Variants in NR3C1 observed in about 807,000 individuals in gnomAD.
NR3C1 encodes the protein glucocorticoid receptor.
In NR3C1, 14 loss-of-function variants were observed where a neutral mutation model predicts 74.0. That is an observed-to-expected ratio of 0.19 (90% CI 0.12 to 0.30). The LOEUF (loss-of-function observed/expected upper bound fraction) is 0.30. Among genes scored for constraint, NR3C1 ranks in the 10% least tolerant of loss-of-function variants. The pLI is 1.00. For missense variants in NR3C1, 695 were observed against 909.8 expected (o/e 0.76, Z 3.04); for synonymous variants, 308 against 332.5 (o/e 0.93, Z 0.80).
In NR3C1 at chr5:143,278,429, TAG is replaced by T. The variant is rs1178394996; in HGVS notation, c.*3458_*3459del. On this transcript the variant is annotated 3_prime_UTR_variant, in exon 9 of 9. Coordinates refer to ENST00000394464, the MANE Select transcript of NR3C1 (RefSeq NM_000176.3). The stretch of plus-strand genomic sequence containing the variant: ...AAATAAAATCCTTTCAGACATTTTC[TAG>T]AGAGAAGCAAATCCTTTCCTGAAAA... 1 of 152,188 alleles carries T rather than the reference TAG, an allele frequency of 6.6e-6. No homozygotes were observed. The highest frequency in any genetic ancestry group is 1.9e-4 in the East Asian group (1 of 5,204). 9.4% of individuals were successfully genotyped at this position (152,188 alleles called of 1,614,324 possible). A position where few individuals can be genotyped will look rare whatever the true frequency, so the allele number is the denominator to read the frequency against.
At chr5:143,333,015 A>T in intron 2 of NR3C1, 1 of 1,588,266 alleles carries the variant, frequency 6.3e-7, no homozygotes, top group Non-Finnish European at 8.5e-7. Context: ...CAACACAGTG[A>T]TTGAGGAGCA....
chr5:143,293,258 G>T (rs1044652932), intron 7 of NR3C1, among the ~76,000 whole-genome samples: 3 of 152,150 alleles, frequency 2.0e-5, no homozygotes, highest in Non-Finnish European at 2.9e-5. Flanking sequence ...AACCATTATT[G>T]TAAGTGAAGT....
In NR3C1 at chr5:143,399,993, A is replaced by G. The variant is rs751445988; in HGVS notation, c.847T>C (p.Phe283Leu). 4.3e-6 allele frequency: 7 copies of G among 1,614,106 alleles called. No homozygotes were observed. In the East Asian group the frequency reaches 1.6e-4, roughly 36 times the overall value. Residue 283 changes from phenylalanine to leucine, a missense_variant, in exon 2 of 9, where the codon TTC becomes CTC. Phe to Leu is a conservative substitution (Grantham distance 22). Coordinates refer to ENST00000394464, the MANE Select transcript of NR3C1 (RefSeq NM_000176.3). ...LPQVKTEKEDFIELCTPGVIK... is the reference protein window; with the variant it reads ...LPQVKTEKEDLIELCTPGVIK... The stretch of plus-strand genomic sequence containing the variant: ...ACCCCAGGGGTGCAGAGTTCGATGA[A>G]ATCTTCTTTTTCTGTTTTCACTTGG...
Position 143,300,761 on chromosome 5 carries a change from G to T in NR3C1, c.1471C>A (p.Arg491=). Reference sequence around the variant, plus strand: ...CCTTTTATTTTTTTCTTTGTTTTTCGAGCTGTGGGTATTTAAACAAATACA... The same window carrying T: ...CCTTTTATTTTTTTCTTTGTTTTTCTAGCTGTGGGTATTTAAACAAATACA... ...CLQAGMNLEA[R]KTKKKIKGIQ... The change falls in exon 5 of 9, where the codon CGA becomes AGA. Residue 491 remains arginine (R), a splice_region_variant and synonymous_variant. Transcript: ENST00000394464. This position sits in a 1 kb window ranked among gnomAD's most constrained non-coding sequence, Gnocchi z 5.2. The T allele has an allele frequency of 6.2e-7, 1 of 1,613,188 alleles. No individual in the cohort carries two copies. Among genetic ancestry groups the T allele is most frequent in the South Asian group, 1.1e-5 (1 of 90,990 alleles).
Position 143,279,357 on chromosome 5 carries a change from A to G in NR3C1, c.*2532T>C, listed in dbSNP as rs781400613. The G allele has an allele frequency of 1.3e-6, 2 of 1,551,850 alleles. No homozygotes were observed. Among genetic ancestry groups the G allele is most frequent in the South Asian group, 1.2e-5 (1 of 82,092 alleles). ...TTTTTTGAGCGCCAAGATTGTTGGG[A>G]TGAAAATCAGATTAATGTGTGAGAT... is the stretch of plus-strand genomic sequence containing the variant. On this transcript the variant is annotated 3_prime_UTR_variant, in exon 9 of 9. Transcript: ENST00000394464.
intron 1 of NR3C1, among the ~76,000 whole-genome samples, chr5:143,421,374 G>C (rs932987247): frequency 6.6e-6 from 1 of 152,180 alleles, no homozygotes; most frequent in Non-Finnish European, 1.5e-5. Context: ...TTTGAATCTG[G>C]TTCTGCTGCT....
rs1840767166 is a variant in NR3C1, at chr5:143,403,559, C to G, written c.-362G>C. The G allele has an allele frequency of 1.0e-6, 1 of 985,912 alleles. No individual in the cohort carries two copies. Among genetic ancestry groups the G allele is most frequent in the Non-Finnish European group, 1.2e-6 (1 of 830,350 alleles). The allele number at this position is 985,912 out of a possible 1,614,324, so 61.1% of individuals were successfully genotyped here. ...CCCGACGGGCAGGCGGTGACTCGGG[C>G]TCCCGTCACAGACACGAGCTCGCAA... On this transcript the variant is annotated 5_prime_UTR_variant, in exon 1 of 9. Coordinates refer to ENST00000394464, the MANE Select transcript of NR3C1 (RefSeq NM_000176.3).
chr5:143,339,277 G>T (rs1048433496), intron 2 of NR3C1, among the ~76,000 whole-genome samples: 1 of 152,052 alleles, frequency 6.6e-6, no homozygotes, highest in African/African-American at 2.4e-5. Flanking sequence ...AATAGAAAAA[G>T]AAACAGATAG....
intron 1 of NR3C1, among the ~76,000 whole-genome samples, chr5:143,432,020 G>A (rs949676306): frequency 7.2e-5 from 11 of 152,224 alleles, no homozygotes; most frequent in Non-Finnish European, 2.9e-5. Flanking sequence ...TTCAACCTTG[G>A]TGGGGGTGGA....
At chr5:143,430,160 C>T (rs555855279) in intron 1 of NR3C1, among the ~76,000 whole-genome samples, 2 of 151,310 alleles carry the variant, frequency 1.3e-5, no homozygotes, top group South Asian at 4.2e-4. Flanking sequence ...GGAATGCTCA[C>T]AATAAAAATA....
intron 1 of NR3C1, among the ~76,000 whole-genome samples, chr5:143,429,906 C>T (rs1279851870): frequency 6.6e-6 from 1 of 151,650 alleles, no homozygotes; most frequent in African/African-American, 2.4e-5. Context: ...ATGGTGAAAC[C>T]CCATCTCTAC....
At position 143,427,225 on chromosome 5, in the gene NR3C1, A is replaced by AT. The variant is rs567090753; in HGVS notation, c.-14+7306dup. Among the ~76,000 whole-genome samples, 36 of 151,232 alleles carry AT rather than the reference A, an allele frequency of 2.4e-4. 1 individual carries two copies. The highest frequency in any genetic ancestry group is 7.3e-4 in the African/African-American group (30 of 41,122). ...CATTTCACTCCAGATATAGCTTAGT[A>AT]TTTTTTTTTCATAGAGATTTCAGGA... On this transcript the variant is annotated intron_variant, in intron 1 of 8. Transcript: ENST00000343796.
chr5:143,299,627 T>C (rs1209238803), intron 5 of NR3C1, among the ~76,000 whole-genome samples: 1 of 152,246 alleles, frequency 6.6e-6, no homozygotes, highest in East Asian at 1.9e-4. Flanking sequence ...AACAAATGTT[T>C]GAGGTGATGG....
chr5:143,391,167 C>A (rs1838158238), intron 2 of NR3C1, among the ~76,000 whole-genome samples: 1 of 152,132 alleles, frequency 6.6e-6, no homozygotes, highest in Non-Finnish European at 1.5e-5. Flanking sequence ...TCTAAGAAAG[C>A]TGCCTACAAA....
intron 2 of NR3C1, among the ~76,000 whole-genome samples, chr5:143,314,566 A>T (rs577578908): frequency 6.6e-6 from 1 of 152,210 alleles, no homozygotes; most frequent in Admixed American, 6.5e-5. Context: ...TATCACAATC[A>T]GGAGAGAGGA....
At chr5:143,417,698 C>G (rs532849029) in intron 1 of NR3C1, among the ~76,000 whole-genome samples, 6 of 152,244 alleles carry the variant, frequency 3.9e-5, no homozygotes, top group African/African-American at 1.2e-4. Flanking sequence ...CACGCCCATA[C>G]ACAATACACT....
chr5:143,322,294 T>C (rs1451924743), intron 2 of NR3C1, among the ~76,000 whole-genome samples: 1 of 152,224 alleles, frequency 6.6e-6, no homozygotes, highest in Non-Finnish European at 1.5e-5. Context: ...CCAACATCAG[T>C]GTTCTTAAGC....
At chr5:143,397,655 C>G (rs571185113) in intron 2 of NR3C1, among the ~76,000 whole-genome samples, 1 of 151,856 alleles carries the variant, frequency 6.6e-6, no homozygotes, top group South Asian at 2.1e-4. Flanking sequence ...TTCCCAATCA[C>G]AGATTGGCAT....
Position 143,279,221 on chromosome 5 carries a change from A to G in NR3C1, c.*2668T>C. ...TTTCCCCCACGTATCCTAAAAGGGC[A>G]CAGCTTCTTTTCCCATTTAATGAAA... On this transcript the variant is annotated 3_prime_UTR_variant, in exon 9 of 9. Transcript: ENST00000394464. 2.2e-6 allele frequency: 2 copies of G among 923,628 alleles called. No homozygotes were observed. Among genetic ancestry groups the G allele is most frequent in the Non-Finnish European group, 3.2e-6 (2 of 632,724 alleles). The allele number at this position is 923,628 out of a possible 1,614,324, so 57.2% of individuals were successfully genotyped here.
Sources: allele counts gnomAD v4.1 joint callset (sites outside exome capture counted in the v4.1 genomes callset), GRCh38; gene constraint gnomAD v4.1.1; non-coding constraint Gnocchi (gnomAD v3.1); transcripts MANE v1.5; gene names NCBI Gene and HGNC (gene_info 2026-07-23, HGNC 2026-07-21).